PTPN2: variants seen among roughly 807,000 people sequenced by gnomAD.
The protein encoded by PTPN2 is protein tyrosine phosphatase non-receptor type 2.
A neutral mutation model predicts 57.3 loss-of-function variants in PTPN2; 19 were observed. The observed-to-expected ratio is 0.33, with a 90% CI of 0.23 to 0.49. The LOEUF (loss-of-function observed/expected upper bound fraction) is 0.49, where lower values mean the gene tolerates loss of function less well. Among genes scored for constraint, PTPN2 ranks in the 20% least tolerant of loss-of-function variants. The probability of loss-of-function intolerance (pLI) is 0.99; values close to 1 mark genes in which losing one functional copy is unlikely to be tolerated. For missense variants in PTPN2, 358 were observed against 501.1 expected, an observed-to-expected ratio of 0.71 and a Z score of 2.73; for synonymous variants, 153 against 164.9, an observed-to-expected ratio of 0.93 and a Z score of 0.55.
intron 2 of PTPN2, among the ~76,000 whole-genome samples, chr18:12,842,723 T>C (rs2043085017): frequency 6.6e-6 from 1 of 152,248 alleles, no homozygotes; most frequent in Non-Finnish European, 1.5e-5. Flanking sequence ...AATCCTGTAC[T>C]GATTCATTTC....
chr18:12,849,091 TGTC>T (rs1211768204), intron 2 of PTPN2, among the ~76,000 whole-genome samples: 2 of 152,238 alleles, frequency 1.3e-5, no homozygotes, highest in Non-Finnish European at 2.9e-5. Flanking sequence ...GCTTTCATCA[TGTC>T]ATCATTATGA....
downstream of PTPN2, chr18:12,787,697 CTG>C (rs1469679369): frequency 3.3e-5 from 5 of 152,080 alleles, no homozygotes; most frequent in Non-Finnish European, 5.9e-5. Flanking sequence ...ACTTGCAAGA[CTG>C]AAAAGACAAA....
At chr18:12,840,568 CCTCT>C (rs1474500614) in intron 2 of PTPN2, 9 of 913,694 alleles carry the variant, frequency 9.9e-6, no homozygotes, top group South Asian at 3.1e-5. Flanking sequence ...CACTGGGTCA[CCTCT>C]CTCAGTCCTC....
chr18:12,796,105 C>G (rs2041171323), intron 8 of PTPN2, among the ~76,000 whole-genome samples: 1 of 152,028 alleles, frequency 6.6e-6, no homozygotes, highest in Non-Finnish European at 1.5e-5. Context: ...ATGGGGCATT[C>G]TAAAAGATAT....
intron 1 of PTPN2, among the ~76,000 whole-genome samples, chr18:12,868,125 T>G (rs1444687809): frequency 1.3e-5 from 2 of 152,248 alleles, no homozygotes; most frequent in East Asian, 3.8e-4. Flanking sequence ...TTCTTACCAC[T>G]GCGCTTTGGT....
intron 5 of PTPN2, among the ~76,000 whole-genome samples, chr18:12,823,038 G>C (rs1356994073): frequency 6.6e-6 from 1 of 152,064 alleles, no homozygotes; most frequent in Non-Finnish European, 1.5e-5. Context: ...ATTTAAACTT[G>C]GGCTATCTGA....
chr18:12,874,268 C>G (rs1200718349), intron 1 of PTPN2, among the ~76,000 whole-genome samples: 1 of 146,350 alleles, frequency 6.8e-6, no homozygotes, highest in East Asian at 2.1e-4. Context: ...TTCAGCCCCC[C>G]GCCCGGCCAG....
chr18:12,848,585 A>G (rs1048606873), intron 2 of PTPN2, among the ~76,000 whole-genome samples: 1 of 152,192 alleles, frequency 6.6e-6, no homozygotes, highest in African/African-American at 2.4e-5. Flanking sequence ...CAGGTCTCAT[A>G]GAGATGCCTT....
At chr18:12,875,662 C>G (rs1000570958) in intron 1 of PTPN2, among the ~76,000 whole-genome samples, 2 of 152,122 alleles carry the variant, frequency 1.3e-5, no homozygotes, top group African/African-American at 2.4e-5. Context: ...ACAAATCATA[C>G]GTAACGTTTA....
rs2041055813 is a variant in PTPN2, at chr18:12,793,709, T to C, written c.*569A>G. On this transcript the variant is annotated 3_prime_UTR_variant, in exon 9 of 9. Transcript: ENST00000309660. The stretch of plus-strand genomic sequence containing the variant: ...TCAATCGACATACAATTTATTTTTT[T>C]AGTAACAGATTTTTCAAATTGAGCT... 1 of 976,066 alleles carries C rather than the reference T, an allele frequency of 1.0e-6. No homozygotes were observed. The highest frequency in any genetic ancestry group is 6.0e-5 in the Admixed American group (1 of 16,578). 60.5% of individuals were successfully genotyped at this position (976,066 alleles called of 1,614,324 possible). A position where few individuals can be genotyped will look rare whatever the true frequency, so the allele number is the denominator to read the frequency against.
intron 2 of PTPN2, among the ~76,000 whole-genome samples, chr18:12,856,243 T>C (rs1017122242): frequency 6.6e-6 from 1 of 152,106 alleles, no homozygotes; most frequent in Non-Finnish European, 1.5e-5. Flanking sequence ...CAAGGCGGTG[T>C]GGGGATGTGC....
intron 1 of PTPN2, among the ~76,000 whole-genome samples, chr18:12,871,996 C>A (rs61631456): frequency 6.6e-6 from 1 of 151,008 alleles, no homozygotes; most frequent in Non-Finnish European, 1.5e-5. Flanking sequence ...TGCAGTAAGC[C>A]GAGATCGTGC....
chr18:12,785,900 C>T (rs577133824), intron 9 of PTPN2: 16 of 1,427,186 alleles, frequency 1.1e-5, no homozygotes, highest in East Asian at 9.1e-5. Flanking sequence ...AACACACAGA[C>T]GAACATAGAT....
intron 2 of PTPN2, chr18:12,840,816 C>T (rs1568134981): frequency 4.4e-6 from 7 of 1,598,146 alleles, no homozygotes; most frequent in South Asian, 1.1e-5. Context: ...CACCTTTTCA[C>T]GTTGCTCTCC....
intron 5 of PTPN2, among the ~76,000 whole-genome samples, chr18:12,824,563 C>T (rs1598794244): frequency 6.6e-6 from 1 of 152,170 alleles, no homozygotes; most frequent in Admixed American, 6.5e-5. Context: ...TGAGGCTAAA[C>T]ATTCTCCTAT....
intron 1 of PTPN2, among the ~76,000 whole-genome samples, chr18:12,861,387 C>T (rs1204639387): frequency 2.0e-5 from 3 of 152,266 alleles, no homozygotes; most frequent in South Asian, 4.1e-4. Flanking sequence ...TTTCAGCACA[C>T]GCAGGAGTCT....
At chr18:12,873,929 G>A (rs2044369599) in intron 1 of PTPN2, among the ~76,000 whole-genome samples, 1 of 148,208 alleles carries the variant, frequency 6.7e-6, no homozygotes. Context: ...GAGCGCCTCT[G>A]CCCGGTCGCG....
intron 1 of PTPN2, among the ~76,000 whole-genome samples, chr18:12,873,295 G>A (rs1221658570): frequency 6.8e-6 from 1 of 146,556 alleles, no homozygotes; most frequent in Non-Finnish European, 1.5e-5. Flanking sequence ...TCTCCCCACG[G>A]TCTCCCTCTC....
In PTPN2 at chr18:12,864,890, G is replaced by A. The variant is rs151015256; in HGVS notation, c.70-5636C>T. Among the ~76,000 whole-genome samples, 34 of 152,282 alleles carry A rather than the reference G, an allele frequency of 2.2e-4. No individual in the cohort carries two copies. The East Asian group carries it at 4.8e-3, about 22-fold the overall frequency. Reference sequence around the variant, plus strand: ...AATAATGCTGGGTTGAAATGTAAGAGTAAGATTTTTTATATTCATCTAGCT... The same window carrying A: ...AATAATGCTGGGTTGAAATGTAAGAATAAGATTTTTTATATTCATCTAGCT... On this transcript the variant is annotated intron_variant, in intron 1 of 8. Coordinates refer to ENST00000309660, the MANE Select transcript of PTPN2 (RefSeq NM_002828.4).
Sources: gnomAD v4.1 joint callset for allele counts (sites outside exome capture counted in the v4.1 genomes callset) on GRCh38, gnomAD v4.1.1 for gene constraint, MANE v1.5 for transcripts, NCBI Gene and HGNC (gene_info 2026-07-23, HGNC 2026-07-21) for gene names.